SGO1: variants seen among roughly 807,000 people sequenced by gnomAD.
SGO1 encodes the protein shugoshin 1.
Under a neutral mutation model 50.5 loss-of-function variants are expected in SGO1, and 39 were observed. That is an observed-to-expected ratio of 0.77 (90% CI 0.60 to 1.01). SGO1 has a LOEUF of 1.01. SGO1 is among the 50% of genes least tolerant of loss of function. The probability of loss-of-function intolerance (pLI) is 0.00; values close to 1 mark genes in which losing one functional copy is unlikely to be tolerated. For synonymous variants in SGO1, 191 were observed against 205.1 expected, an observed-to-expected ratio of 0.93 and a Z score of 0.59; for missense variants, 638 against 606.0, an observed-to-expected ratio of 1.05 and a Z score of -0.55.
At position 20,176,854 on chromosome 3, in the gene SGO1, G is replaced by T. The variant is rs74893370; in HGVS notation, c.417-195C>A. ...ACAGGGAGACTGATTTGTTATGACTGACATTCAATTCCCACTTGAAGAACC... is the reference window on the plus strand; with the variant it reads ...ACAGGGAGACTGATTTGTTATGACTTACATTCAATTCCCACTTGAAGAACC... On this transcript the variant is annotated intron_variant, in intron 4 of 7. Coordinates refer to ENST00000412997, the MANE Select transcript of SGO1 (RefSeq NM_001199251.3). 7.0e-3 allele frequency among the ~76,000 whole-genome samples: 1,069 copies of T among 152,308 alleles called. 14 individuals are homozygous for T. The highest frequency in any genetic ancestry group is 0.025 in the African/African-American group (1,022 of 41,578).
intron 8 of SGO1, among the ~76,000 whole-genome samples, chr3:20,162,587 T>C (rs530591008): frequency 4.6e-5 from 7 of 152,168 alleles, no homozygotes; most frequent in Admixed American, 3.9e-4. Context: ...TTACAAGATA[T>C]ACAAGGCAGG....
chr3:20,186,306 A>G (rs917967631), upstream of SGO1: 1 of 152,258 alleles, frequency 6.6e-6, no homozygotes. Flanking sequence ...CCGCCCCGCC[A>G]GGCGACGTCA....
rs745922614 is a variant in SGO1, at chr3:20,161,098, G to C, written c.*7C>G. On this transcript the variant is annotated 3_prime_UTR_variant, in exon 9 of 9. Coordinates refer to the SGO1 transcript ENST00000263753. ...AAAGTTTTCTAAGGATGTGAAGCCCGTGGACTTTACCTCAAGCAGATGTGG... is the reference window on the plus strand; with the variant it reads ...AAAGTTTTCTAAGGATGTGAAGCCCCTGGACTTTACCTCAAGCAGATGTGG... The C allele has an allele frequency of 2.5e-6, 4 of 1,613,588 alleles. No individual in the cohort carries two copies. In the African/African-American group the frequency reaches 5.3e-5, roughly 22 times the overall value.
rs1350171102 is a variant in SGO1, at chr3:20,169,739, G to A, written c.*965C>T. On this transcript the variant is annotated 3_prime_UTR_variant, in exon 8 of 8. Coordinates refer to ENST00000412997, the MANE Select transcript of SGO1 (RefSeq NM_001199251.3). ...ACATCACTCTGAACATACAATTAGA[G>A]CTTGGGGTTCACAATTAGTCACTTA... 2 of 910,420 alleles carry A rather than the reference G, an allele frequency of 2.2e-6. No individual in the cohort carries two copies. The highest frequency in any genetic ancestry group is 1.2e-4 in the East Asian group (1 of 8,460). 56.4% of individuals were successfully genotyped at this position (910,420 alleles called of 1,614,324 possible). A position where few individuals can be genotyped will look rare whatever the true frequency, so the allele number is the denominator to read the frequency against.
rs766835053 is a variant in SGO1 at position 20,170,803 on chromosome 3, T to C, written c.1485A>G (p.Arg495=). The change falls in exon 8 of 8, where the codon AGA becomes AGG. Residue 495 remains arginine, a synonymous_variant. Transcript: ENST00000412997. ...AACACAAATCTGTAAAAGGGTCCCC[T>C]CTTCTCAGTTTCCTGTAAGAGTAAA... ...KEPTLASKLR[R]GDPFTDLCFL... 5.0e-6 allele frequency: 8 copies of C among 1,593,100 alleles called. No individual in the cohort carries two copies. Among genetic ancestry groups the C allele is most frequent in the Non-Finnish European group, 6.0e-6 (7 of 1,175,036 alleles).
At chr3:20,166,852 A>G (rs1204968124), downstream of SGO1, among the ~76,000 whole-genome samples, 1 of 146,662 alleles carries the variant, frequency 6.8e-6, no homozygotes, top group African/African-American at 2.6e-5. Flanking sequence ...CAAAAAAAAA[A>G]AAAAAAAAAA....
intron 1 of SGO1, 145 bp from the exon 2 acceptor site, chr3:20,184,179 A>C: frequency 1.8e-6 from 1 of 542,612 alleles, no homozygotes. Flanking sequence ...TGATAATATA[A>C]ATTTTCCCCT....
intron 1 of SGO1, among the ~76,000 whole-genome samples, chr3:20,184,387 C>T (rs1702382972): frequency 6.6e-6 from 1 of 152,140 alleles, no homozygotes; most frequent in African/African-American, 2.4e-5. Flanking sequence ...ATTATTTACA[C>T]TTTTTATAGA....
chr3:20,174,910 G>C lies in SGO1; in HGVS notation c.621C>G (p.Ser207Arg). ...AATGACTGGTTTCAAAATCATCCAA[G>C]CTATCAAACTGACATATACTGTTAC... is the stretch of plus-strand genomic sequence containing the variant. ...KHCNSICQFDSLDDFETSHLA... is the reference protein window; with the variant it reads ...KHCNSICQFDRLDDFETSHLA... The change falls in exon 6 of 8, where the codon AGC becomes AGG. Residue 207 changes from serine (S) to arginine (R), a missense_variant. Physicochemically the swap from Ser to Arg is moderately radical, Grantham distance 110. Transcript: ENST00000412997. 1 of 1,613,988 alleles carries C rather than the reference G, an allele frequency of 6.2e-7. No individual in the cohort carries two copies. The highest frequency in any genetic ancestry group is 8.5e-7 in the Non-Finnish European group (1 of 1,179,982).
At chr3:20,175,800 A>G (rs1358885353) in intron 5 of SGO1, among the ~76,000 whole-genome samples, 1 of 151,946 alleles carries the variant, frequency 6.6e-6, no homozygotes, top group Non-Finnish European at 1.5e-5. Flanking sequence ...ACTGTCAAAA[A>G]AAAAAAAAAT....
intron 1 of SGO1, among the ~76,000 whole-genome samples, chr3:20,184,810 ATACT>A (rs1702436955): frequency 1.0e-5 from 1 of 98,018 alleles, no homozygotes; most frequent in African/African-American, 3.8e-5. Context: ...ATACATAACT[ATACT>A]TAATCTTTCA....
downstream of SGO1, among the ~76,000 whole-genome samples, chr3:20,167,006 CAA>C (rs1446504148): frequency 2.6e-5 from 4 of 151,632 alleles, no homozygotes; most frequent in East Asian, 7.7e-4. Context: ...AATAAAAAAA[CAA>C]AAATAAAATT....
intron 4 of SGO1, 143 bp downstream of exon 4, chr3:20,178,128 A>G: frequency 1.6e-6 from 1 of 608,758 alleles, no homozygotes; most frequent in East Asian, 2.8e-5. Flanking sequence ...AACACATCAA[A>G]TTCTCTTAAA....
downstream of SGO1, among the ~76,000 whole-genome samples, chr3:20,168,040 A>C (rs1316858007): frequency 6.6e-6 from 1 of 152,252 alleles, no homozygotes; most frequent in Non-Finnish European, 1.5e-5. Flanking sequence ...GTTAAAAGTC[A>C]GTTGTAAAAT....
chr3:20,163,001 A>G (rs1700118059), intron 8 of SGO1, among the ~76,000 whole-genome samples: 2 of 152,140 alleles, frequency 1.3e-5, no homozygotes, highest in South Asian at 2.1e-4. Flanking sequence ...TGCTTAAAGG[A>G]AAACTTACAG....
intron 4 of SGO1, among the ~76,000 whole-genome samples, chr3:20,177,456 T>G (rs900317663): frequency 3.3e-5 from 5 of 152,240 alleles, no homozygotes; most frequent in Non-Finnish European, 7.3e-5. Context: ...ACGAAAGAAC[T>G]GTCTATGGCA....
At chr3:20,161,282 CA>C in intron 8 of SGO1, 1 of 1,418,740 alleles carries the variant, frequency 7.0e-7, no homozygotes, top group Non-Finnish European at 9.2e-7. Context: ...ACCTAGTCCA[CA>C]GATTTTATTC....
In SGO1 at chr3:20,174,598, C is replaced by T. The variant is rs747090417; in HGVS notation, c.933G>A (p.Glu311=). ...RKSKRMSKYK[E]NKSENKKTVP... ...CAGTTTTTTTATTTTCGCTTTTATT[C>T]TCTTTATATTTTGACATACGTTTTG... The change falls in exon 6 of 8, where the codon GAG becomes GAA. Residue 311 remains glutamate, a synonymous_variant. Transcript: ENST00000412997. The T allele has an allele frequency of 1.3e-6, 2 of 1,599,930 alleles. No homozygotes were observed. Among genetic ancestry groups the T allele is most frequent in the African/African-American group, 2.7e-5 (2 of 73,814 alleles).
intron 4 of SGO1, 25 bp from the exon 5 acceptor site, chr3:20,176,684 G>T: frequency 1.4e-6 from 2 of 1,460,254 alleles, no homozygotes; most frequent in Non-Finnish European, 1.9e-6. Context: ...ATGAAAAACA[G>T]AAATTTAACA....
Sources: gnomAD v4.1 joint callset for allele counts (sites outside exome capture counted in the v4.1 genomes callset) on GRCh38, gnomAD v4.1.1 for gene constraint, MANE v1.5 for transcripts, NCBI Gene and HGNC (gene_info 2026-07-23, HGNC 2026-07-21) for gene names.